CACNA1A: variants seen among roughly 807,000 people sequenced by gnomAD.
CACNA1A encodes voltage-dependent P/Q-type calcium channel subunit alpha-1A.
In CACNA1A, 57 loss-of-function variants were observed where a neutral mutation model predicts 262.4. The ratio of observed to expected loss-of-function variants is 0.22; its 90% CI spans 0.18 to 0.27. CACNA1A has a LOEUF of 0.27. CACNA1A is among the 10% of genes least tolerant of loss of function. CACNA1A has a pLI of 1.00. For missense variants in CACNA1A, 2,526 were observed against 3,562.8 expected (o/e 0.71, Z 7.41); for synonymous variants, 1,431 against 1,419.3 (o/e 1.01, Z -0.18).
At position 13,206,666 on chromosome 19, in the gene CACNA1A, A is replaced by ATTGT. The variant is rs981695434; in HGVS notation, c.*643_*646dup. 6.3e-5 allele frequency: 7 copies of ATTGT among 111,394 alleles called. No homozygotes were observed. Among genetic ancestry groups the ATTGT allele is most frequent in the African/African-American group, 3.4e-4 (7 of 20,340 alleles). The allele number at this position is 111,394 out of a possible 1,614,324, so 6.9% of individuals were successfully genotyped here. On this transcript the variant is annotated 3_prime_UTR_variant, in exon 47 of 47. Coordinates refer to ENST00000360228, the MANE Select transcript of CACNA1A (RefSeq NM_001127222.2). ...CATTAATTTTTTTGTCCTTTTTAAA[A>ATTGT]TTGTTTATTGTTATTATTATTTTTT...
At chr19:13,316,016 G>A (rs2145045406) in intron 11 of CACNA1A, 1 of 152,270 alleles carries the variant, frequency 6.6e-6, no homozygotes, top group East Asian at 1.9e-4. Flanking sequence ...GGAGTGCAGT[G>A]GCATGATCTT....
chr19:13,330,544 A>G (rs2058449885), intron 9 of CACNA1A, among the ~76,000 whole-genome samples: 1 of 152,202 alleles, frequency 6.6e-6, no homozygotes, highest in African/African-American at 2.4e-5. Flanking sequence ...AGTCGGGTTC[A>G]GTCCGACTCC....
At chr19:13,417,047 G>T (rs138172304) in intron 3 of CACNA1A, among the ~76,000 whole-genome samples, 9 of 152,262 alleles carry the variant, frequency 5.9e-5, no homozygotes, top group Non-Finnish European at 1.2e-4. Context: ...ATGTTTCCAA[G>T]AATGGCTTTT....
chr19:13,420,769 G>A (rs1252820813), intron 3 of CACNA1A, among the ~76,000 whole-genome samples: 1 of 152,154 alleles, frequency 6.6e-6, no homozygotes, highest in Non-Finnish European at 1.5e-5. Context: ...GAAAGATGAG[G>A]TGACATGCCT....
intron 36 of CACNA1A, 63 bp downstream of exon 36, chr19:13,230,019 C>G: frequency 6.3e-7 from 1 of 1,576,294 alleles, no homozygotes; most frequent in Middle Eastern, 1.8e-4. Flanking sequence ...CCTGACCTAG[C>G]CCGTGTTCCA....
In CACNA1A at chr19:13,235,739, A is replaced by G; in HGVS notation, c.4951-9T>C. The G allele has an allele frequency of 6.2e-7, 1 of 1,601,742 alleles. No homozygotes were observed. Among genetic ancestry groups the G allele is most frequent in the East Asian group, 2.2e-5 (1 of 44,798 alleles). The stretch of plus-strand genomic sequence containing the variant: ...AGGTTGATGAAGTTATTCTGGGGAG[A>G]TGGAGGAAGAGGGGTGACCATCCAC... On this transcript the variant is annotated splice_polypyrimidine_tract_variant and intron_variant, in intron 31 of 46. Coordinates refer to ENST00000360228, the MANE Select transcript of CACNA1A (RefSeq NM_001127222.2).
chr19:13,408,543 T>C (rs2060053597), intron 3 of CACNA1A, among the ~76,000 whole-genome samples: 1 of 152,222 alleles, frequency 6.6e-6, no homozygotes. Context: ...ACTAACATTA[T>C]ATGTTCAATA....
intron 6 of CACNA1A, among the ~76,000 whole-genome samples, chr19:13,348,332 AAAG>A (rs139113752): frequency 0.014 from 2,151 of 152,306 alleles, 48 homozygotes; most frequent in African/African-American, 0.049. Flanking sequence ...AGAAAAGCAC[AAAG>A]AAGGGTGAGG....
At chr19:13,393,858 C>A (rs1183500471) in intron 3 of CACNA1A, among the ~76,000 whole-genome samples, 1 of 148,686 alleles carries the variant, frequency 6.7e-6, no homozygotes, top group African/African-American at 2.5e-5. Flanking sequence ...CCCCATTGCC[C>A]ACGCTGGGGA....
At chr19:13,213,721 T>C (rs2054900771) in intron 40 of CACNA1A, 1 of 145,648 alleles carries the variant, frequency 6.9e-6, no homozygotes, top group African/African-American at 2.6e-5. Flanking sequence ...CCTGCTCTTA[T>C]CACCCGGGCT....
intron 4 of CACNA1A, among the ~76,000 whole-genome samples, chr19:13,366,579 G>A (rs935640406): frequency 6.6e-6 from 1 of 152,172 alleles, no homozygotes; most frequent in Non-Finnish European, 1.5e-5. Flanking sequence ...TTACAGGCAT[G>A]AGCCACAGAG....
chr19:13,309,916 A>G (rs1293044904), intron 12 of CACNA1A, among the ~76,000 whole-genome samples: 4 of 152,144 alleles, frequency 2.6e-5, no homozygotes, highest in Non-Finnish European at 5.9e-5. Flanking sequence ...ACCTCTATCA[A>G]GTTCCAAAAC....
chr19:13,306,841 T>C (rs920794756), intron 15 of CACNA1A, among the ~76,000 whole-genome samples: 39 of 152,240 alleles, frequency 2.6e-4, no homozygotes, highest in Admixed American at 2.6e-3. Flanking sequence ...ACCCATTCCG[T>C]CCCATGGAAA....
intron 30 of CACNA1A, among the ~76,000 whole-genome samples, chr19:13,246,250 C>T (rs896538181): frequency 3.9e-5 from 6 of 152,128 alleles, no homozygotes; most frequent in Non-Finnish European, 7.4e-5. Flanking sequence ...AGGCACTGGA[C>T]GGGGCTTTGG....
At position 13,257,146 on chromosome 19, in the gene CACNA1A, C is replaced by A. The variant is rs530055389; in HGVS notation, c.4590+204G>T. The A allele has an allele frequency of 3.4e-4, 159 of 474,196 alleles. 1 individual carries two copies. The highest frequency in any genetic ancestry group is 2.6e-3 in the African/African-American group (134 of 51,536). 29.4% of individuals were successfully genotyped at this position (474,196 alleles called of 1,614,324 possible). On this transcript the variant is annotated intron_variant, in intron 28 of 46. Coordinates refer to ENST00000360228, the MANE Select transcript of CACNA1A (RefSeq NM_001127222.2). Reference sequence around the variant, plus strand: ...GCTTGTTACTGCGGCATAACCTAGTCTAAACTGACTGATACATACACTATA... The same window carrying A: ...GCTTGTTACTGCGGCATAACCTAGTATAAACTGACTGATACATACACTATA...
intron 5 of CACNA1A, 96 bp downstream of exon 5, chr19:13,365,221 C>A (rs2059186836): frequency 1.8e-6 from 2 of 1,086,788 alleles, no homozygotes. Flanking sequence ...GTCCTCCCAG[C>A]TGCCAGGAGA....
At chr19:13,331,393 C>T (rs2058465964) in intron 9 of CACNA1A, among the ~76,000 whole-genome samples, 1 of 152,028 alleles carries the variant, frequency 6.6e-6, no homozygotes, top group African/African-American at 2.4e-5. Flanking sequence ...TGTGCCATGA[C>T]ACCTAGCTAA....
intron 19 of CACNA1A, among the ~76,000 whole-genome samples, chr19:13,293,921 C>G (rs1568502497): frequency 6.6e-6 from 1 of 152,086 alleles, no homozygotes; most frequent in Non-Finnish European, 1.5e-5. Flanking sequence ...CCTTTCACAA[C>G]CAGGCTTTGC....
At chr19:13,460,856 C>T (rs867924821) in intron 1 of CACNA1A, among the ~76,000 whole-genome samples, 1 of 152,204 alleles carries the variant, frequency 6.6e-6, no homozygotes, top group African/African-American at 2.4e-5. Flanking sequence ...CCTTAGCCTG[C>T]TTATTTTTTT....
Sources: gnomAD v4.1 joint callset for allele counts (sites outside exome capture counted in the v4.1 genomes callset) on GRCh38, gnomAD v4.1.1 for gene constraint, MANE v1.5 for transcripts, NCBI Gene and HGNC (gene_info 2026-07-23, HGNC 2026-07-21) for gene names.